Variants in GLDC observed in about 807,000 individuals in gnomAD.
The protein encoded by GLDC is glycine decarboxylase, also known as glycine dehydrogenase (decarboxylating), mitochondrial.
Under a neutral mutation model 121.3 loss-of-function variants are expected in GLDC, and 104 were observed. That is an observed-to-expected ratio of 0.86 (90% CI 0.73 to 1.01). GLDC has a LOEUF of 1.01. GLDC is among the 50% of genes least tolerant of loss of function. The probability of loss-of-function intolerance (pLI) is 0.00; values close to 1 mark genes in which losing one functional copy is unlikely to be tolerated. For missense variants in GLDC, 1,429 were observed against 1,306.6 expected (o/e 1.09, Z -1.44); for synonymous variants, 546 against 480.6 (o/e 1.14, Z -1.78).
chr9:6,623,530 G>C (rs1406656319), intron 2 of GLDC, among the ~76,000 whole-genome samples: 1 of 150,676 alleles, frequency 6.6e-6, no homozygotes. Flanking sequence ...TTGTTCACTT[G>C]TTTATCTGCT....
chr9:6,615,588 A>G (rs1818953184), intron 3 of GLDC, among the ~76,000 whole-genome samples: 1 of 151,992 alleles, frequency 6.6e-6, no homozygotes, highest in South Asian at 2.1e-4. Flanking sequence ...TCTTAAAAAA[A>G]AAAAAAAAGA....
At chr9:6,622,036 G>C (rs891650999) in intron 2 of GLDC, among the ~76,000 whole-genome samples, 1 of 152,064 alleles carries the variant, frequency 6.6e-6, no homozygotes, top group African/African-American at 2.4e-5. Flanking sequence ...CAAAACCTAA[G>C]ACAGCAAACT....
intron 7 of GLDC, among the ~76,000 whole-genome samples, chr9:6,603,792 C>T (rs181110403): frequency 2.0e-5 from 3 of 149,962 alleles, no homozygotes; most frequent in Non-Finnish European, 3.0e-5. Context: ...TGAGGCAGCG[C>T]GATCTCGGCT....
intron 2 of GLDC, among the ~76,000 whole-genome samples, chr9:6,620,839 C>T (rs1819077044): frequency 6.6e-6 from 1 of 152,180 alleles, no homozygotes; most frequent in South Asian, 2.1e-4. Flanking sequence ...AAAAGGCCAT[C>T]ACTCAACAAT....
intron 3 of GLDC, among the ~76,000 whole-genome samples, chr9:6,619,480 C>T (rs1388134011): frequency 6.6e-6 from 1 of 152,150 alleles, no homozygotes; most frequent in Non-Finnish European, 1.5e-5. Context: ...GTAATCCCAG[C>T]ACTTTGGGAG....
At chr9:6,533,725 G>T (rs1817049478) in intron 24 of GLDC, among the ~76,000 whole-genome samples, 1 of 151,934 alleles carries the variant, frequency 6.6e-6, no homozygotes, top group South Asian at 2.1e-4. Context: ...AGGCATGGTG[G>T]CACATGCCTG....
chr9:6,622,219 AT>A (rs1231986747), intron 2 of GLDC, among the ~76,000 whole-genome samples: 1 of 151,274 alleles, frequency 6.6e-6, no homozygotes, highest in Non-Finnish European at 1.5e-5. Flanking sequence ...TTCCCAGGAA[AT>A]AAATTCACAA....
intron 20 of GLDC, among the ~76,000 whole-genome samples, chr9:6,552,989 T>A (rs1307472680): frequency 6.6e-6 from 1 of 151,530 alleles, no homozygotes; most frequent in African/African-American, 2.4e-5. Context: ...CAAAGTGGAA[T>A]AATTAGTACA....
At chr9:6,585,447 C>T (rs1374195716) in intron 15 of GLDC, among the ~76,000 whole-genome samples, 1 of 152,194 alleles carries the variant, frequency 6.6e-6, no homozygotes, top group Non-Finnish European at 1.5e-5. Flanking sequence ...AGAAGGTATA[C>T]TAAAGCTTGA....
At chr9:6,625,771 C>G (rs942735317) in intron 2 of GLDC, among the ~76,000 whole-genome samples, 1 of 151,764 alleles carries the variant, frequency 6.6e-6, no homozygotes, top group Non-Finnish European at 1.5e-5. Flanking sequence ...TATGTTCATT[C>G]CCACTGATAG....
intron 15 of GLDC, among the ~76,000 whole-genome samples, chr9:6,571,094 T>C (rs1166046019): frequency 1.3e-5 from 2 of 151,804 alleles, no homozygotes; most frequent in African/African-American, 2.4e-5. Context: ...CCCAAAATAA[T>C]GATTTTCTTA....
intron 4 of GLDC, among the ~76,000 whole-genome samples, chr9:6,607,656 G>C (rs796744556): frequency 6.6e-6 from 1 of 151,632 alleles, no homozygotes; most frequent in African/African-American, 2.4e-5. Flanking sequence ...TATTTTTGGT[G>C]GGGGGAGAAC....
At chr9:6,632,925 C>T (rs1265629386) in intron 2 of GLDC, among the ~76,000 whole-genome samples, 1 of 152,200 alleles carries the variant, frequency 6.6e-6, no homozygotes, top group African/African-American at 2.4e-5. Flanking sequence ...TCTCAGCAGA[C>T]CCTCCCTGCA....
At chr9:6,591,884 C>T (rs557646481) in intron 11 of GLDC, 4 of 387,854 alleles carry the variant, frequency 1.0e-5, no homozygotes, top group African/African-American at 6.2e-5. Flanking sequence ...AGCCACCATC[C>T]CCAGCCTAGA....
chr9:6,641,664 T>C (rs1359667511), intron 2 of GLDC, among the ~76,000 whole-genome samples: 2 of 152,222 alleles, frequency 1.3e-5, no homozygotes, highest in South Asian at 2.1e-4. Context: ...AGGGTTGTAA[T>C]ATACATTAAT....
chr9:6,626,558 A>G (rs553168517), intron 2 of GLDC, among the ~76,000 whole-genome samples: 78 of 152,270 alleles, frequency 5.1e-4, no homozygotes, highest in Admixed American at 4.6e-4. Flanking sequence ...CTTCATTTAT[A>G]CTAATTGGCC....
intron 18 of GLDC, among the ~76,000 whole-genome samples, chr9:6,555,217 G>A (rs955384600): frequency 6.6e-6 from 1 of 152,128 alleles, no homozygotes; most frequent in Admixed American, 6.6e-5. Context: ...GCCCCGTTGG[G>A]CACAGTGATG....
At chr9:6,645,176 G>C in intron 1 of GLDC, 69 bp downstream of exon 1, 2 of 1,444,114 alleles carry the variant, frequency 1.4e-6, no homozygotes, top group Non-Finnish European at 9.3e-7. Flanking sequence ...GTAGGAGCCG[G>C]GAGGCCGCGC....
At chr9:6,541,175 T>C (rs1817250296) in intron 21 of GLDC, 1 of 152,182 alleles carries the variant, frequency 6.6e-6, no homozygotes, top group African/African-American at 2.4e-5. Context: ...AACAGGCTTC[T>C]TCTCTAGGTC....
Sources: allele counts gnomAD v4.1 joint callset (sites outside exome capture counted in the v4.1 genomes callset), GRCh38; gene constraint gnomAD v4.1.1; transcripts MANE v1.5; gene names NCBI Gene and HGNC (gene_info 2026-07-23, HGNC 2026-07-21).